The following CDK14 variants were observed in gnomAD, a reference collection of about 807,000 sequenced individuals.
CDK14 encodes the protein cyclin dependent kinase 14.
Under a neutral mutation model 60.7 loss-of-function variants are expected in CDK14, and 34 were observed. The ratio of observed to expected loss-of-function variants is 0.56; its 90% CI spans 0.43 to 0.75. The LOEUF (loss-of-function observed/expected upper bound fraction) is 0.75. CDK14 is among the 30% of genes least tolerant of loss of function. CDK14 has a pLI of 0.00. For synonymous variants in CDK14, 197 were observed against 203.7 expected (o/e 0.97, Z 0.28); for missense variants, 482 against 564.1 (o/e 0.85, Z 1.47).
At chr7:90,904,182 C>A (rs1792617252) in intron 7 of CDK14, among the ~76,000 whole-genome samples, 1 of 152,108 alleles carries the variant, frequency 6.6e-6, no homozygotes, top group South Asian at 2.1e-4. Context: ...GAGCTTTAGA[C>A]AGCAAAAGTC....
chr7:90,888,834 C>T (rs1792030802), intron 6 of CDK14, among the ~76,000 whole-genome samples: 1 of 152,196 alleles, frequency 6.6e-6, no homozygotes, highest in African/African-American at 2.4e-5. Flanking sequence ...AAAAAATCAG[C>T]CTGGCTTCAA....
In CDK14 at chr7:90,809,005, C is replaced by A. The variant is rs559075808; in HGVS notation, c.544+18353C>A. ...AGAGACCTACGAAGAGACTTAGACT[C>A]CCATACAATAATAATGGGAGACTTT... On this transcript the variant is annotated intron_variant, in intron 5 of 14. Transcript: ENST00000380050. Among the ~76,000 whole-genome samples, 77 of 152,278 alleles carry A rather than the reference C, an allele frequency of 5.1e-4. 1 individual carries two copies. In the South Asian group the frequency reaches 0.014, roughly 28 times the overall value.
intron 4 of CDK14, among the ~76,000 whole-genome samples, chr7:90,772,990 C>G (rs1201540375): frequency 6.6e-6 from 1 of 151,866 alleles, no homozygotes; most frequent in East Asian, 1.9e-4. Flanking sequence ...CTGTACTGAC[C>G]AAGTATTCTG....
At chr7:90,800,354 T>G (rs1788590793) in intron 5 of CDK14, among the ~76,000 whole-genome samples, 1 of 152,182 alleles carries the variant, frequency 6.6e-6, no homozygotes, top group Admixed American at 6.5e-5. Flanking sequence ...ATTTTATGAT[T>G]TAATTGTAAA....
chr7:91,098,394 T>C (rs1157386905), intron 12 of CDK14, among the ~76,000 whole-genome samples: 1 of 152,060 alleles, frequency 6.6e-6, no homozygotes, highest in Non-Finnish European at 1.5e-5. Flanking sequence ...TTAGGAGATA[T>C]GCCTAATGTA....
chr7:90,991,343 A>T (rs540385845), intron 10 of CDK14, among the ~76,000 whole-genome samples: 115 of 152,272 alleles, frequency 7.6e-4, no homozygotes, highest in African/African-American at 2.6e-3. Context: ...TTAGTTCTTG[A>T]ATCATAAGAA....
chr7:91,184,996 A>T (rs1469685797), intron 14 of CDK14, among the ~76,000 whole-genome samples: 1 of 151,506 alleles, frequency 6.6e-6, no homozygotes, highest in Non-Finnish European at 1.5e-5. Context: ...TCTAATTTGC[A>T]TAAAGGCGTG....
intron 1 of CDK14, 101 bp from the exon 2 acceptor site, chr7:90,604,117 A>G (rs17867713): frequency 0.063 from 45,787 of 730,594 alleles, 1,959 homozygotes; most frequent in East Asian, 0.18. Context: ...ACTTTCTGAA[A>G]TGAAAACACC....
At chr7:90,613,935 A>G (rs1193954471) in intron 2 of CDK14, among the ~76,000 whole-genome samples, 1 of 151,784 alleles carries the variant, frequency 6.6e-6, no homozygotes, top group African/African-American at 2.4e-5. Context: ...AAGGTGGGTC[A>G]GAGTTTTCTC....
intron 2 of CDK14, among the ~76,000 whole-genome samples, chr7:90,611,780 G>A (rs991766903): frequency 9.3e-5 from 14 of 150,942 alleles, no homozygotes; most frequent in African/African-American, 2.9e-4. Flanking sequence ...GGCCTTTCAC[G>A]ATCTATCTCT....
chr7:90,653,007 C>T (rs1382731246), intron 2 of CDK14, among the ~76,000 whole-genome samples: 1 of 152,140 alleles, frequency 6.6e-6, no homozygotes, highest in Non-Finnish European at 1.5e-5. Flanking sequence ...GTTGGCTGAC[C>T]TGTGTGGATT....
chr7:91,031,607 A>G (rs928274552), intron 10 of CDK14, among the ~76,000 whole-genome samples: 6 of 152,226 alleles, frequency 3.9e-5, no homozygotes, highest in Non-Finnish European at 8.8e-5. Flanking sequence ...GGCCTTAGCC[A>G]AACGATTAGA....
At chr7:91,053,525 C>T (rs1459447742) in intron 11 of CDK14, among the ~76,000 whole-genome samples, 2 of 152,200 alleles carry the variant, frequency 1.3e-5, no homozygotes, top group African/African-American at 4.8e-5. Context: ...ATCCACCCTC[C>T]ACTTGCTAGG....
chr7:90,867,715 G>A (rs565358794), intron 6 of CDK14, among the ~76,000 whole-genome samples: 265 of 152,186 alleles, frequency 1.7e-3, no homozygotes, highest in African/African-American at 6.0e-3. Flanking sequence ...AGTTTCAGTC[G>A]TAAGTTGCAG....
intron 11 of CDK14, among the ~76,000 whole-genome samples, chr7:91,067,703 C>T (rs705351): frequency 0.23 from 34,248 of 152,156 alleles, 4,538 homozygotes; most frequent in African/African-American, 0.35. Context: ...ACATGCCTCA[C>T]ATGGCATGTT....
chr7:91,162,232 G>A (rs181113297), intron 14 of CDK14, among the ~76,000 whole-genome samples: 2 of 152,232 alleles, frequency 1.3e-5, no homozygotes, highest in East Asian at 1.9e-4. Context: ...TCCCTTTTAT[G>A]TATTAAATAT....
intron 14 of CDK14, among the ~76,000 whole-genome samples, chr7:91,152,659 A>G (rs1034068218): frequency 6.6e-6 from 1 of 152,226 alleles, no homozygotes; most frequent in Non-Finnish European, 1.5e-5. Flanking sequence ...ATTAGATATT[A>G]TCACAGTGCT....
intron 10 of CDK14, among the ~76,000 whole-genome samples, chr7:91,015,130 A>G (rs1371986644): frequency 6.6e-6 from 1 of 152,128 alleles, no homozygotes; most frequent in Non-Finnish European, 1.5e-5. Context: ...TCTGCTTTAT[A>G]TGAAGTCCAG....
intron 12 of CDK14, among the ~76,000 whole-genome samples, chr7:91,104,239 C>T (rs987713520): frequency 2.0e-5 from 3 of 152,120 alleles, no homozygotes; most frequent in Non-Finnish European, 4.4e-5. Context: ...CCAGTTCCAT[C>T]AGCCTGAGGC....
Sources: allele counts gnomAD v4.1 joint callset (sites outside exome capture counted in the v4.1 genomes callset), GRCh38; gene constraint gnomAD v4.1.1; transcripts MANE v1.5; gene names NCBI Gene and HGNC (gene_info 2026-07-23, HGNC 2026-07-21).